LMBRD1: variants seen among roughly 807,000 people sequenced by gnomAD.
LMBRD1 encodes the protein lysosomal cobalamin transport escort protein LMBD1.
LMBRD1 carries 64 observed loss-of-function variants against 74.8 expected under a neutral mutation model. That is an observed-to-expected ratio of 0.86 (90% CI 0.70 to 1.05). The LOEUF is 1.05. Among genes scored for constraint, LMBRD1 ranks in the 50% least tolerant of loss-of-function variants. The pLI is 0.00. For synonymous variants in LMBRD1, 204 were observed against 216.3 expected (o/e 0.94, Z 0.50); for missense variants, 652 against 645.9 (o/e 1.01, Z -0.10).
Position 69,701,464 on chromosome 6 carries a change from C to A in LMBRD1, c.1062G>T (p.Met354Ile). ...FGANLSNPLN[M>I]LLPLLQTVFP... ...TTACTGTTTGTAGTAAAGGCAAAAG[C>A]ATATTCAGTGGATTACTCAGGTTAG... Residue 354 changes from methionine to isoleucine, a missense_variant, in exon 11 of 16, where the codon ATG becomes ATT. By Grantham distance (10) the Met-to-Ile change is conservative. This residue lies in a region of LMBRD1 where 598 missense variants were observed against 581.8 expected (regional missense o/e 1.03). Coordinates refer to ENST00000649934, the MANE Select transcript of LMBRD1 (RefSeq NM_018368.4). 6.3e-7 allele frequency: 1 copy of A among 1,599,020 alleles called. No individual in the cohort carries two copies. The highest frequency in any genetic ancestry group is 8.6e-7 in the Non-Finnish European group (1 of 1,167,788).
intron 14 of LMBRD1, among the ~76,000 whole-genome samples, chr6:69,696,945 T>G (rs145187853): frequency 4.0e-5 from 6 of 149,026 alleles, no homozygotes; most frequent in Non-Finnish European, 8.9e-5. Flanking sequence ...AAAGAATAAA[T>G]CAGGAATCCT....
rs375403872 is a variant in LMBRD1 at position 69,712,433 on chromosome 6, T to C, written c.915+1212A>G. Among the ~76,000 whole-genome samples the C allele has an allele frequency of 2.5e-3, 268 of 106,216 alleles. 3 individuals carry two copies. Among genetic ancestry groups the C allele is most frequent in the African/African-American group, 0.01 (253 of 25,206 alleles). The allele number at this position is 106,216 out of a possible 152,430, so 69.7% of individuals were successfully genotyped here. On this transcript the variant is annotated intron_variant, in intron 9 of 15. Transcript: ENST00000649934. Reference sequence around the variant, plus strand: ...GAGGCAAATTCTATTACTGTCAGAGTTCCTATGTTTTTTTTTTTTAAAGTC... The same window carrying C: ...GAGGCAAATTCTATTACTGTCAGAGCTCCTATGTTTTTTTTTTTTAAAGTC...
At chr6:69,697,464 A>G in intron 14 of LMBRD1, 99 bp downstream of exon 14, 1 of 834,334 alleles carries the variant, frequency 1.2e-6, no homozygotes, top group Non-Finnish European at 2.1e-6. Context: ...TTTCCTTCTT[A>G]CCACGTAGTA....
chr6:69,776,174 A>T (rs1343936842), intron 3 of LMBRD1, among the ~76,000 whole-genome samples: 2 of 152,352 alleles, frequency 1.3e-5, no homozygotes, highest in East Asian at 3.9e-4. Context: ...TTGGCATTTG[A>T]CAAATGGACA....
rs80356070 is a variant in LMBRD1 at position 69,764,548 on chromosome 6, G to T, written c.308-12192C>A. ...AGTTGATGTGCTGGTATATCTCATT[G>T]AAAACGTAATTTACATTTCCCTAAT... On this transcript the variant is annotated intron_variant, in intron 3 of 15. Transcript: ENST00000649934. Among the ~76,000 whole-genome samples, 520 of 152,286 alleles carry T rather than the reference G, an allele frequency of 3.4e-3. 1 individual carries two copies. Among genetic ancestry groups the T allele is most frequent in the Non-Finnish European group, 5.0e-3 (339 of 68,020 alleles).
intron 7 of LMBRD1, among the ~76,000 whole-genome samples, chr6:69,721,889 T>C (rs12208525): frequency 3.3e-5 from 5 of 152,104 alleles, no homozygotes; most frequent in Non-Finnish European, 7.4e-5. Flanking sequence ...AGAAGAGCCC[T>C]TGGGCTTTAA....
At chr6:69,768,862 T>G (rs1765522487) in intron 3 of LMBRD1, among the ~76,000 whole-genome samples, 2 of 152,088 alleles carry the variant, frequency 1.3e-5, no homozygotes, top group South Asian at 4.1e-4. Flanking sequence ...TTTTTTTTCT[T>G]TTCATTTTAG....
At chr6:69,677,485 T>C (rs1765572233) in intron 14 of LMBRD1, among the ~76,000 whole-genome samples, 1 of 152,074 alleles carries the variant, frequency 6.6e-6, no homozygotes, top group African/African-American at 2.4e-5. Flanking sequence ...AGTTCCAGTT[T>C]CTATGGTCTG....
intron 14 of LMBRD1, among the ~76,000 whole-genome samples, chr6:69,690,075 T>C (rs570367094): frequency 3.5e-4 from 49 of 139,264 alleles, no homozygotes; most frequent in Non-Finnish European, 7.4e-4. Flanking sequence ...TTTTTTTTTT[T>C]AAACTAGTTC....
At chr6:69,761,125 T>C (rs1442463132) in intron 3 of LMBRD1, among the ~76,000 whole-genome samples, 3 of 152,220 alleles carry the variant, frequency 2.0e-5, no homozygotes, top group African/African-American at 7.2e-5. Flanking sequence ...GTACAACTGC[T>C]GACAGTATAG....
At chr6:69,757,062 G>T (rs59573217) in intron 3 of LMBRD1, among the ~76,000 whole-genome samples, 16,931 of 152,174 alleles carry the variant, frequency 0.11, 2,634 homozygotes, top group African/African-American at 0.35. Context: ...AACTGGAAAT[G>T]ATCCAAATGA....
chr6:69,713,882 C>G, intron 8 of LMBRD1, 85 bp from the exon 9 acceptor site: 1 of 1,477,170 alleles, frequency 6.8e-7, no homozygotes, highest in Non-Finnish European at 9.4e-7. Context: ...GGCAACAAAA[C>G]CTTTTCAGGA....
chr6:69,756,631 C>G (rs1765273035), intron 3 of LMBRD1, among the ~76,000 whole-genome samples: 1 of 152,066 alleles, frequency 6.6e-6, no homozygotes, highest in African/African-American at 2.4e-5. Context: ...AATTTTCTTC[C>G]TCTAGCAATA....
In LMBRD1 at chr6:69,676,103, A is replaced by G. The variant is rs558887872; in HGVS notation, c.*55T>C. 7.1e-7 allele frequency: 1 copy of G among 1,416,960 alleles called. No individual in the cohort carries two copies. Among genetic ancestry groups the G allele is most frequent in the East Asian group, 2.3e-5 (1 of 43,454 alleles). The allele number at this position is 1,416,960 out of a possible 1,614,324, so 87.8% of individuals were successfully genotyped here. On this transcript the variant is annotated 3_prime_UTR_variant, in exon 16 of 16. Transcript: ENST00000649934. ...ATCCTAATGTTAGTTTAATACTTTA[A>G]AAATGCATAACAGATATTCAGTCAG...
At position 69,748,964 on chromosome 6, in the gene LMBRD1, T is replaced by A. The variant is rs540821788; in HGVS notation, c.473+377A>T. ...AAGATCAGTTAAATATATTTTTGTA[T>A]CCTTAGAAGGAAACGCAATATAGTC... On this transcript the variant is annotated intron_variant, in intron 5 of 15. Coordinates refer to ENST00000649934, the MANE Select transcript of LMBRD1 (RefSeq NM_018368.4). 2.6e-5 allele frequency among the ~76,000 whole-genome samples: 4 copies of A among 152,130 alleles called. No individual in the cohort carries two copies. The East Asian group carries it at 5.8e-4, about 22-fold the overall frequency.
intron 7 of LMBRD1, among the ~76,000 whole-genome samples, chr6:69,719,875 G>A (rs967402700): frequency 4.6e-5 from 7 of 151,956 alleles, no homozygotes; most frequent in East Asian, 1.9e-4. Flanking sequence ...ACTTTACCCC[G>A]TGCCCCCTGT....
At chr6:69,769,754 T>A (rs929151641) in intron 3 of LMBRD1, among the ~76,000 whole-genome samples, 3 of 142,390 alleles carry the variant, frequency 2.1e-5, no homozygotes, top group Non-Finnish European at 3.1e-5. Context: ...TTTTTTTTTT[T>A]AATTTTTATC....
At chr6:69,783,538 C>A (rs1765881046) in intron 2 of LMBRD1, among the ~76,000 whole-genome samples, 2 of 152,218 alleles carry the variant, frequency 1.3e-5, no homozygotes, top group African/African-American at 4.8e-5. Flanking sequence ...CCATGCCCAG[C>A]TAATTTTTGT....
intron 9 of LMBRD1, among the ~76,000 whole-genome samples, chr6:69,711,743 G>A (rs572137934): frequency 6.6e-6 from 1 of 152,128 alleles, no homozygotes; most frequent in Non-Finnish European, 1.5e-5. Flanking sequence ...AGCAGTTAGT[G>A]CATTTCTTTC....
Sources: allele counts gnomAD v4.1 joint callset (sites outside exome capture counted in the v4.1 genomes callset), GRCh38; gene constraint gnomAD v4.1.1; regional missense constraint gnomAD v4.1.1; transcripts MANE v1.5; gene names NCBI Gene and HGNC (gene_info 2026-07-23, HGNC 2026-07-21).